SLC2A9: variants seen among roughly 807,000 people sequenced by gnomAD.
The protein encoded by SLC2A9 is solute carrier family 2 member 9, also known as solute carrier family 2, facilitated glucose transporter member 9.
SLC2A9 carries 39 observed loss-of-function variants against 50.6 expected under a neutral mutation model. The observed-to-expected ratio is 0.77, with a 90% CI of 0.60 to 1.01. The LOEUF is 1.01. SLC2A9 is among the 50% of genes least tolerant of loss of function. SLC2A9 has a pLI of 0.00. For synonymous variants in SLC2A9, 324 were observed against 276.9 expected, an observed-to-expected ratio of 1.17 and a Z score of -1.69; for missense variants, 686 against 677.6, an observed-to-expected ratio of 1.01 and a Z score of -0.14.
intron 1 of SLC2A9, among the ~76,000 whole-genome samples, chr4:10,026,744 T>G (rs919098928): frequency 4.6e-5 from 7 of 152,032 alleles, no homozygotes; most frequent in Non-Finnish European, 1.0e-4. Context: ...TTCTGCCAAG[T>G]GAAAGAACCC....
intron 11 of SLC2A9, among the ~76,000 whole-genome samples, chr4:9,827,232 C>T (rs1725294792): frequency 6.6e-6 from 1 of 152,200 alleles, no homozygotes; most frequent in Admixed American, 6.5e-5. Flanking sequence ...TTCTCAGTGA[C>T]TCAGTCACCT....
chr4:10,003,921 A>C (rs1161212811), intron 2 of SLC2A9, among the ~76,000 whole-genome samples: 1 of 152,220 alleles, frequency 6.6e-6, no homozygotes, highest in Non-Finnish European at 1.5e-5. Context: ...CCACAAGGGT[A>C]CTATTTGTTA....
chr4:9,777,283 C>CCCCATCT (rs1717691345), downstream of SLC2A9, among the ~76,000 whole-genome samples: 1 of 143,342 alleles, frequency 7.0e-6, no homozygotes, highest in South Asian at 2.2e-4. Flanking sequence ...GCTCCCTTGC[C>CCCCATCT]CCCGTCTCTG....
intron 5 of SLC2A9, among the ~76,000 whole-genome samples, chr4:9,964,625 C>T (rs6847019): frequency 0.2 from 29,784 of 152,114 alleles, 3,145 homozygotes; most frequent in African/African-American, 0.22. Context: ...TAGATGAGTA[C>T]ATTTCTTCTA....
At chr4:9,852,969 T>A (rs1730193902) in intron 10 of SLC2A9, among the ~76,000 whole-genome samples, 1 of 152,080 alleles carries the variant, frequency 6.6e-6, no homozygotes, top group Non-Finnish European at 1.5e-5. Flanking sequence ...GGTGTGCGGA[T>A]CACTTAAGGT....
chr4:9,815,768 A>T (rs925077965), intron 3 of SLC2A9, among the ~76,000 whole-genome samples: 1 of 152,224 alleles, frequency 6.6e-6, no homozygotes, highest in Non-Finnish European at 1.5e-5. Context: ...AGTCCTTCAA[A>T]ATGTCTATAA....
chr4:9,905,666 C>T (rs1379048017), intron 8 of SLC2A9, among the ~76,000 whole-genome samples: 2 of 152,188 alleles, frequency 1.3e-5, no homozygotes, highest in Admixed American at 6.5e-5. Flanking sequence ...GGAGTGGCTT[C>T]TGGAGTCTGG....
intron 1 of SLC2A9, chr4:10,035,047 C>T (rs1423465859): frequency 6.6e-6 from 1 of 152,232 alleles, no homozygotes; most frequent in Non-Finnish European, 1.5e-5. Flanking sequence ...ACCAGTCCAT[C>T]GCTGATGTCT....
chr4:9,989,082 C>G (rs1407953447), intron 3 of SLC2A9, among the ~76,000 whole-genome samples: 2 of 152,220 alleles, frequency 1.3e-5, no homozygotes, highest in African/African-American at 4.8e-5. Flanking sequence ...CAAGATCATG[C>G]CTTGTTTCCA....
At chr4:9,957,893 A>G (rs1350483137) in intron 5 of SLC2A9, among the ~76,000 whole-genome samples, 1 of 152,202 alleles carries the variant, frequency 6.6e-6, no homozygotes, top group Non-Finnish European at 1.5e-5. Context: ...TTATCAAAGA[A>G]GTAACATAAT....
rs1349919224 is a variant in SLC2A9, at chr4:9,882,928, C to T, written c.1291+4639G>A. 2.0e-5 allele frequency among the ~76,000 whole-genome samples: 3 copies of T among 152,044 alleles called. No individual in the cohort carries two copies. In the East Asian group the frequency reaches 5.8e-4, roughly 29 times the overall value. ...TTCACAATGTTTTTAGTGGGCTATA[C>T]CTGGTCTACTTAGATGGTAAGGTTT... On this transcript the variant is annotated intron_variant, in intron 10 of 11. Coordinates refer to ENST00000264784, the MANE Select transcript of SLC2A9 (RefSeq NM_020041.3).
At position 9,854,746 on chromosome 4, in the gene SLC2A9, T is replaced by C. The variant is rs539145937; in HGVS notation, c.1292-19738A>G. Among the ~76,000 whole-genome samples, 117 of 152,246 alleles carry C rather than the reference T, an allele frequency of 7.7e-4. 1 individual carries two copies. The highest frequency in any genetic ancestry group is 8.3e-4 in the South Asian group (4 of 4,824). On this transcript the variant is annotated intron_variant, in intron 10 of 11. Transcript: ENST00000264784. The stretch of plus-strand genomic sequence containing the variant: ...CTAGCAAACCAAATCCAGCAGCACA[T>C]CCAATAGCTTATCCACTATGAGGAA...
At chr4:9,887,332 G>T (rs1736454132) in intron 10 of SLC2A9, among the ~76,000 whole-genome samples, 2 of 152,348 alleles carry the variant, frequency 1.3e-5, no homozygotes. Context: ...TTGCTGTGTG[G>T]TGGGAAATTA....
chr4:9,996,609 A>G (rs1003413939), intron 3 of SLC2A9, among the ~76,000 whole-genome samples, 172 bp downstream of exon 3: 1 of 152,094 alleles, frequency 6.6e-6, no homozygotes, highest in Non-Finnish European at 1.5e-5. Flanking sequence ...CCATGGCTTC[A>G]GTTATCTTTG....
rs375484164 is a variant in SLC2A9 at position 9,920,562 on chromosome 4, C to A, written c.825G>T (p.Thr275=). ...GGGAAACGTCTGCTTTACCCAAGAACGTTTGGAAGGCTGCAAACAGAGGCA... is the reference window on the plus strand; with the variant it reads ...GGGAAACGTCTGCTTTACCCAAGAAAGTTTGGAAGGCTGCAAACAGAGGCA... ...NEARAVKAFQ[T]FLGKADVSQE... The change falls in exon 7 of 12, where the codon ACG becomes ACT. Residue 275 remains threonine, a synonymous_variant. Transcript: ENST00000264784. 8.1e-6 allele frequency: 13 copies of A among 1,614,012 alleles called. No homozygotes were observed. The highest frequency in any genetic ancestry group is 1.1e-5 in the Non-Finnish European group (13 of 1,180,048).
intron 1 of SLC2A9, 50 bp from the exon 2 acceptor site, chr4:10,019,123 G>T: frequency 6.8e-7 from 1 of 1,469,546 alleles, no homozygotes; most frequent in Non-Finnish European, 9.3e-7. Flanking sequence ...GCGCAGCCAG[G>T]GCCGAGGGAA....
In SLC2A9 at chr4:9,844,169, A is replaced by T. The variant is rs796397114; in HGVS notation, c.1292-9161T>A. On this transcript the variant is annotated intron_variant, in intron 10 of 11. Transcript: ENST00000264784. The stretch of plus-strand genomic sequence containing the variant: ...TTTAGTAAAAAAAAAATAATAATAA[A>T]AAAAAAAAAAAGTCCTTCTGACTCC... Among the ~76,000 whole-genome samples, 1,105 of 149,366 alleles carry T rather than the reference A, an allele frequency of 7.4e-3. 18 individuals are homozygous for T. Among genetic ancestry groups the T allele is most frequent in the African/African-American group, 0.025 (1,025 of 40,792 alleles).
chr4:9,999,400 A>G (rs1307140421), intron 2 of SLC2A9, among the ~76,000 whole-genome samples: 2 of 150,704 alleles, frequency 1.3e-5, no homozygotes. Flanking sequence ...GTGTGTGTGT[A>G]CGGGCACACA....
intron 5 of SLC2A9, among the ~76,000 whole-genome samples, chr4:9,967,469 TAA>T (rs2108981921): frequency 6.6e-6 from 1 of 152,148 alleles, no homozygotes; most frequent in Non-Finnish European, 1.5e-5. Flanking sequence ...TTAAGATTAA[TAA>T]GAGTTGAGCA....
Sources: gnomAD v4.1 joint callset for allele counts (sites outside exome capture counted in the v4.1 genomes callset) on GRCh38, gnomAD v4.1.1 for gene constraint, MANE v1.5 for transcripts, NCBI Gene and HGNC (gene_info 2026-07-23, HGNC 2026-07-21) for gene names.